The following AGAP1 variants were observed in gnomAD, a reference collection of about 807,000 sequenced individuals.
The protein encoded by AGAP1 is ArfGAP with GTPase domain, ankyrin repeat and PH domain 1.
Under a neutral mutation model 105.3 loss-of-function variants are expected in AGAP1, and 29 were observed. The observed-to-expected ratio is 0.28, with a 90% CI of 0.21 to 0.38. The LOEUF is 0.38. Ranked by LOEUF, AGAP1 falls within the 10% of genes least tolerant of loss-of-function variation. The pLI is 1.00. For synonymous variants in AGAP1, 509 were observed against 485.9 expected (o/e 1.05, Z -0.63); for missense variants, 998 against 1,165.1 (o/e 0.86, Z 2.09).
chr2:235,811,456 G>C (rs2150112958), intron 9 of AGAP1, among the ~76,000 whole-genome samples: 1 of 152,374 alleles, frequency 6.6e-6, no homozygotes, highest in Non-Finnish European at 1.5e-5. Context: ...TTGAGACGTT[G>C]TGTTGTCTCC....
Position 235,739,010 on chromosome 2 carries a change from G to A in AGAP1, c.311-1953G>A, listed in dbSNP as rs1009224577. Among the ~76,000 whole-genome samples, 27 of 152,172 alleles carry A rather than the reference G, an allele frequency of 1.8e-4. No individual in the cohort carries two copies. Among genetic ancestry groups the A allele is most frequent in the African/African-American group, 6.0e-4 (25 of 41,430 alleles). On this transcript the variant is annotated intron_variant, in intron 3 of 17. Transcript: ENST00000304032. The surrounding 1 kb of genome is among the most constrained non-coding windows in gnomAD (Gnocchi z 5.3). ...TCTGTCGTAAGCAGGCTTATTCAAT[G>A]TTAAATACGACTTTTATTAAAGCAG...
At position 235,824,899 on chromosome 2, in the gene AGAP1, AC is replaced by A. The variant is rs1458558622; in HGVS notation, c.1050+17569del. Among the ~76,000 whole-genome samples, 15 of 152,166 alleles carry A rather than the reference AC, an allele frequency of 9.9e-5. No individual in the cohort carries two copies. Among genetic ancestry groups the A allele is most frequent in the Admixed American group, 9.2e-4 (14 of 15,288 alleles). ...AAAGGAAAGCATGTTTTTATGTCTC[AC>A]GTTTACAGGCGCTTTTCTGATTTTT... On this transcript the variant is annotated intron_variant, in intron 9 of 17. Transcript: ENST00000304032. The surrounding 1 kb of genome is among the most constrained non-coding windows in gnomAD (Gnocchi z 5.2).
At position 236,095,276 on chromosome 2, in the gene AGAP1, G is replaced by C. The variant is rs1202479635; in HGVS notation, c.2115-24916G>C. Among the ~76,000 whole-genome samples the C allele has an allele frequency of 6.6e-6, 1 of 152,054 alleles. No individual in the cohort carries two copies. The highest frequency in any genetic ancestry group is 2.4e-5 in the African/African-American group (1 of 41,392). On this transcript the variant is annotated intron_variant, in intron 16 of 17. Coordinates refer to ENST00000304032, the MANE Select transcript of AGAP1 (RefSeq NM_001037131.3). This position sits in a 1 kb window ranked among gnomAD's most constrained non-coding sequence, Gnocchi z 4.1. ...GCCAGGCGTGGTTGCATGCACCTGT[G>C]GTCCCAGCTACTCGGGAGGCTGAGG...
chr2:235,809,036 A>G (rs979933436), intron 9 of AGAP1, among the ~76,000 whole-genome samples: 3 of 152,166 alleles, frequency 2.0e-5, no homozygotes, highest in South Asian at 2.1e-4. Context: ...GTACCAGGAC[A>G]TTTCCTTTGG....
At chr2:235,598,476 A>G (rs972857185) in intron 1 of AGAP1, among the ~76,000 whole-genome samples, 8 of 152,180 alleles carry the variant, frequency 5.3e-5, no homozygotes, top group South Asian at 2.1e-4. Flanking sequence ...AAATTACCCT[A>G]TGGGAAACTT....
intron 1 of AGAP1, among the ~76,000 whole-genome samples, chr2:235,643,269 A>G (rs1009939187): frequency 6.6e-6 from 1 of 151,850 alleles, no homozygotes; most frequent in African/African-American, 2.4e-5. Context: ...TGTCTCTACT[A>G]AAAATACAAA....
chr2:236,053,896 G>A lies in AGAP1; in HGVS notation c.2114+4615G>A, dbSNP rs145194508. Among the ~76,000 whole-genome samples the A allele has an allele frequency of 0.011, 1,749 of 152,348 alleles. 33 individuals carry two copies. The highest frequency in any genetic ancestry group is 0.039 in the African/African-American group (1,633 of 41,570). On this transcript the variant is annotated intron_variant, in intron 16 of 17. Coordinates refer to ENST00000304032, the MANE Select transcript of AGAP1 (RefSeq NM_001037131.3). This position sits in a 1 kb window ranked among gnomAD's most constrained non-coding sequence, Gnocchi z 4.6. ...GGAACCGAGTTTGCTGATTTAGTACGTATTCTTTTCCCTTTTTTAGCATCC... is the reference window on the plus strand; with the variant it reads ...GGAACCGAGTTTGCTGATTTAGTACATATTCTTTTCCCTTTTTTAGCATCC...
chr2:235,695,791 C>G (rs1949969160), intron 1 of AGAP1, among the ~76,000 whole-genome samples: 1 of 152,154 alleles, frequency 6.6e-6, no homozygotes, highest in African/African-American at 2.4e-5. Flanking sequence ...ATCTGAGCTC[C>G]AAGCCCAGGG....
At chr2:235,911,585 T>TAG (rs2051618354) in intron 11 of AGAP1, among the ~76,000 whole-genome samples, 7 of 152,368 alleles carry the variant, frequency 4.6e-5, no homozygotes, top group Middle Eastern at 3.4e-3. Context: ...TGTGTGATTT[T>TAG]AAGTAGATAA....
At chr2:235,868,780 C>G (rs2106552494) in intron 9 of AGAP1, among the ~76,000 whole-genome samples, 1 of 152,334 alleles carries the variant, frequency 6.6e-6, no homozygotes, top group South Asian at 2.1e-4. Context: ...ACATTCATGA[C>G]ATTAACTTTG....
In AGAP1 at chr2:235,663,722, G is replaced by C. The variant is rs892371533; in HGVS notation, c.164-45457G>C. ...AGGTCATTGTTCTCTGACAGTTCGTGATATTCGTTCCTACTCCAGGAAGCT... is the reference window on the plus strand; with the variant it reads ...AGGTCATTGTTCTCTGACAGTTCGTCATATTCGTTCCTACTCCAGGAAGCT... On this transcript the variant is annotated intron_variant, in intron 1 of 17. Coordinates refer to ENST00000304032, the MANE Select transcript of AGAP1 (RefSeq NM_001037131.3). The surrounding 1 kb of genome is among the most constrained non-coding windows in gnomAD (Gnocchi z 5.4). Among the ~76,000 whole-genome samples the C allele has an allele frequency of 2.0e-5, 3 of 152,188 alleles. No homozygotes were observed. The highest frequency in any genetic ancestry group is 7.2e-5 in the African/African-American group (3 of 41,454).
At chr2:235,686,944 T>C (rs2149425224) in intron 1 of AGAP1, among the ~76,000 whole-genome samples, 1 of 152,024 alleles carries the variant, frequency 6.6e-6, no homozygotes, top group Middle Eastern at 3.4e-3. Flanking sequence ...ATTATGGGCC[T>C]GAGCCACTGG....
At chr2:235,758,836 A>G (rs1168968812) in intron 6 of AGAP1, among the ~76,000 whole-genome samples, 1 of 152,184 alleles carries the variant, frequency 6.6e-6, no homozygotes, top group African/African-American at 2.4e-5. Flanking sequence ...ACTGTCACAC[A>G]AGCTGGAGTG....
intron 1 of AGAP1, among the ~76,000 whole-genome samples, chr2:235,624,349 A>C (rs914293490): frequency 3.3e-5 from 5 of 152,098 alleles, no homozygotes; most frequent in African/African-American, 1.2e-4. Flanking sequence ...TCCCATCTGG[A>C]TCTCTTTCCT....
rs1559302905 is a variant in AGAP1, at chr2:235,633,738, A to T, written c.164-75441A>T. 6.6e-6 allele frequency among the ~76,000 whole-genome samples: 1 copy of T among 152,078 alleles called. No homozygotes were observed. Among genetic ancestry groups the T allele is most frequent in the African/African-American group, 2.4e-5 (1 of 41,404 alleles). ...CCCCTCTGGAATGAGGGTCTTAATT[A>T]CCTTATGACAGCTTTACCTAAAAAG... is the stretch of plus-strand genomic sequence containing the variant. On this transcript the variant is annotated intron_variant, in intron 1 of 17. Coordinates refer to ENST00000304032, the MANE Select transcript of AGAP1 (RefSeq NM_001037131.3). This position sits in a 1 kb window ranked among gnomAD's most constrained non-coding sequence, Gnocchi z 4.8.
intron 16 of AGAP1, among the ~76,000 whole-genome samples, chr2:236,054,670 A>G (rs1355784915): frequency 1.3e-5 from 2 of 152,212 alleles, no homozygotes. Context: ...GGCAGTGTCC[A>G]AATTAGCACT....
At position 236,124,026 on chromosome 2, in the gene AGAP1, C is replaced by T. The variant is rs78059134; in HGVS notation, c.2478C>T (p.Cys826=). 1.6e-3 allele frequency: 2,544 copies of T among 1,613,980 alleles called. 78 individuals are homozygous for T. The East Asian group carries it at 0.053, about 34-fold the overall frequency. The change falls in exon 18 of 18, where the codon TGC becomes TGT. Residue 826 remains cysteine (C), a synonymous_variant. Transcript: ENST00000304032. This position sits in a 1 kb window ranked among gnomAD's most constrained non-coding sequence, Gnocchi z 5.1. ...TCGACGTGCTGCTGCAGTACGGCTG[C>T]CCCGACGAGCGCTTCGTGCTCATGG... ...ECIDVLLQYG[C]PDERFVLMAT...
intron 16 of AGAP1, among the ~76,000 whole-genome samples, chr2:236,079,609 T>C (rs2058731249): frequency 6.6e-6 from 1 of 151,252 alleles, no homozygotes; most frequent in African/African-American, 2.4e-5. Context: ...TACATACATA[T>C]ATATATAGTG....
intron 6 of AGAP1, among the ~76,000 whole-genome samples, chr2:235,756,514 G>A (rs1487653354): frequency 6.6e-6 from 1 of 152,134 alleles, no homozygotes; most frequent in Non-Finnish European, 1.5e-5. Flanking sequence ...TCTCCAAGCA[G>A]CTCGATGCCC....
Sources: allele counts gnomAD v4.1 joint callset (sites outside exome capture counted in the v4.1 genomes callset), GRCh38; gene constraint gnomAD v4.1.1; non-coding constraint Gnocchi (gnomAD v3.1); transcripts MANE v1.5; gene names NCBI Gene and HGNC (gene_info 2026-07-23, HGNC 2026-07-21).